CDON: variants seen among roughly 807,000 people sequenced by gnomAD.
CDON encodes cell adhesion molecule-related/down-regulated by oncogenes.
CDON carries 73 observed loss-of-function variants against 120.9 expected under a neutral mutation model. That is an observed-to-expected ratio of 0.60 (90% CI 0.50 to 0.73). CDON has a LOEUF of 0.73. Among genes scored for constraint, CDON ranks in the 30% least tolerant of loss-of-function variants. The probability of loss-of-function intolerance (pLI) is 0.00; values close to 1 mark genes in which losing one functional copy is unlikely to be tolerated. For missense variants in CDON, 1,470 were observed against 1,587.3 expected, an observed-to-expected ratio of 0.93 and a Z score of 1.26; for synonymous variants, 566 against 573.5, an observed-to-expected ratio of 0.99 and a Z score of 0.19.
chr11:126,012,497 G>GT (rs1212761473), intron 7 of CDON, among the ~76,000 whole-genome samples: 5 of 151,270 alleles, frequency 3.3e-5, no homozygotes, highest in African/African-American at 1.2e-4. Flanking sequence ...CACCTCCCGG[G>GT]TTCTAGAAAT....
At chr11:125,993,582 T>C (rs1359605286) in intron 14 of CDON, among the ~76,000 whole-genome samples, 1 of 152,174 alleles carries the variant, frequency 6.6e-6, no homozygotes, top group Non-Finnish European at 1.5e-5. Flanking sequence ...TCAAACATTT[T>C]GAAAAGTGGG....
intron 1 of CDON, among the ~76,000 whole-genome samples, chr11:126,038,909 C>A (rs1948177214): frequency 6.6e-6 from 1 of 152,116 alleles, no homozygotes; most frequent in Admixed American, 6.5e-5. Flanking sequence ...GCTTGAACAG[C>A]CTCGGGGTGC....
intron 1 of CDON, among the ~76,000 whole-genome samples, chr11:126,050,526 ACAC>A: frequency 6.6e-6 from 1 of 151,554 alleles, no homozygotes; most frequent in Admixed American, 6.6e-5. Context: ...ACACACACAC[ACAC>A]ACAAACAAAA....
At chr11:125,962,106 G>GA in intron 18 of CDON, 108 bp from the exon 19 acceptor site, 1 of 854,562 alleles carries the variant, frequency 1.2e-6, no homozygotes, top group Non-Finnish European at 1.9e-6. Context: ...AGACTCTTAA[G>GA]AAAGAGTGAT....
intron 19 of CDON, 176 bp downstream of exon 19, chr11:125,961,548 G>T: frequency 4.1e-6 from 3 of 739,888 alleles, no homozygotes; most frequent in Non-Finnish European, 6.5e-6. Flanking sequence ...GAATTTCAAA[G>T]AATCCTTTAT....
At chr11:126,018,544 A>C in intron 4 of CDON, 71 bp from the exon 5 acceptor site, 4 of 1,298,016 alleles carry the variant, frequency 3.1e-6, no homozygotes, top group Non-Finnish European at 4.5e-6. Flanking sequence ...TAAAACTCAC[A>C]AAGGCTGATC....
At position 125,983,863 on chromosome 11, in the gene CDON, G is replaced by A. The variant is rs1355177835; in HGVS notation, c.2995+9C>T. On this transcript the variant is annotated intron_variant, in intron 16 of 19. Transcript: ENST00000531738. ...GAAAAAGAGAAGGAGATATTTATGA[G>A]TGACTTACTTTGTATGGTATTCTGC... The A allele has an allele frequency of 2.5e-6, 4 of 1,597,292 alleles. No homozygotes were observed. Among genetic ancestry groups the A allele is most frequent in the Non-Finnish European group, 3.4e-6 (4 of 1,165,340 alleles).
At chr11:125,974,410 G>GAGGA (rs1946097944) in intron 18 of CDON, among the ~76,000 whole-genome samples, 1 of 63,422 alleles carries the variant, frequency 1.6e-5, no homozygotes, top group Non-Finnish European at 3.8e-5. Flanking sequence ...GGGAGGGAGG[G>GAGGA]AGGGAGGGAG....
intron 14 of CDON, among the ~76,000 whole-genome samples, chr11:125,991,680 A>G (rs1377416312): frequency 6.6e-6 from 1 of 152,180 alleles, no homozygotes; most frequent in Non-Finnish European, 1.5e-5. Flanking sequence ...TTTAAGTACA[A>G]AGGATGAATA....
At chr11:125,988,734 C>CTTAAA (rs1946540409) in intron 15 of CDON, among the ~76,000 whole-genome samples, 1 of 152,126 alleles carries the variant, frequency 6.6e-6, no homozygotes, top group South Asian at 2.1e-4. Flanking sequence ...TTAAAGACGG[C>CTTAAA]AACATTTGAC....
At chr11:125,984,774 C>A (rs1042377535) in intron 15 of CDON, among the ~76,000 whole-genome samples, 3 of 151,188 alleles carry the variant, frequency 2.0e-5, no homozygotes, top group East Asian at 3.9e-4. Flanking sequence ...TTGAGCTAAA[C>A]AAGACTCAGG....
intron 1 of CDON, among the ~76,000 whole-genome samples, chr11:126,032,319 AGAAG>A (rs1947965489): frequency 6.6e-6 from 1 of 151,968 alleles, no homozygotes; most frequent in African/African-American, 2.4e-5. Flanking sequence ...AGGGAGGAAG[AGAAG>A]GAAGGAAGTA....
rs906169727 is a variant in CDON at position 126,021,536 on chromosome 11, C to T, written c.77-16G>A. ...GGTGCCAAGTCTACAAGGGAATATT[C>T]CCCATATGCAAAGAAAGCAGGGGAG... On this transcript the variant is annotated splice_polypyrimidine_tract_variant and intron_variant, in intron 2 of 19. Coordinates refer to ENST00000531738, the MANE Select transcript of CDON (RefSeq NM_001378964.1). The T allele has an allele frequency of 6.2e-6, 10 of 1,611,770 alleles. No homozygotes were observed. The Admixed American group carries it at 1.5e-4, about 24-fold the overall frequency.
At chr11:126,001,156 T>C in intron 11 of CDON, among the ~76,000 whole-genome samples, 1 of 151,778 alleles carries the variant, frequency 6.6e-6, no homozygotes, top group Admixed American at 6.6e-5. Context: ...TAAATGTCCT[T>C]CTCTTACCAG....
rs375026022 is a variant in CDON at position 126,015,241 on chromosome 11, C to G, written c.1198G>C (p.Asp400His). ...TGACTGGCACGACCTAAAAGCCTAC[C>G]ATTTTCAATTTCAAGTCTTCCAGTA... is the stretch of plus-strand genomic sequence containing the variant. ...HSTGRLEIENDGGFKPVIITA... is the reference protein window; with the variant it reads ...HSTGRLEIENHGGFKPVIITA... The change falls in exon 7 of 20, where the codon GAC (aspartate) becomes CAC (histidine). Residue 400 changes from aspartate (D) to histidine (H), a missense_variant and splice_region_variant. Transcript: ENST00000531738. 1 of 1,613,578 alleles carries G rather than the reference C, an allele frequency of 6.2e-7. No homozygotes were observed. The highest frequency in any genetic ancestry group is 1.3e-5 in the African/African-American group (1 of 74,888).
intron 1 of CDON, among the ~76,000 whole-genome samples, chr11:126,049,131 A>G (rs1354498417): frequency 6.6e-6 from 1 of 152,262 alleles, no homozygotes; most frequent in Non-Finnish European, 1.5e-5. Flanking sequence ...AAATTAATGC[A>G]TATTGCTCAC....
chr11:125,977,073 A>G (rs1189474065), intron 18 of CDON, among the ~76,000 whole-genome samples: 1 of 152,230 alleles, frequency 6.6e-6, no homozygotes, highest in Non-Finnish European at 1.5e-5. Context: ...TACATGAACC[A>G]CCTTTACCAG....
intron 17 of CDON, among the ~76,000 whole-genome samples, chr11:125,980,773 A>G (rs1946273050): frequency 6.6e-6 from 1 of 152,216 alleles, no homozygotes; most frequent in Non-Finnish European, 1.5e-5. Flanking sequence ...ATTTCATCTA[A>G]AGAACAACTT....
chr11:126,011,317 C>G (rs1947295343), intron 7 of CDON, among the ~76,000 whole-genome samples: 1 of 152,182 alleles, frequency 6.6e-6, no homozygotes, highest in Non-Finnish European at 1.5e-5. Flanking sequence ...GAATATTGAT[C>G]AAAGTAAATG....
Sources: gnomAD v4.1 joint callset for allele counts (sites outside exome capture counted in the v4.1 genomes callset) on GRCh38, gnomAD v4.1.1 for gene constraint, MANE v1.5 for transcripts, NCBI Gene and HGNC (gene_info 2026-07-23, HGNC 2026-07-21) for gene names.